Variants in PTPRD observed in about 807,000 individuals in gnomAD.
PTPRD encodes protein tyrosine phosphatase receptor type D, also known as receptor-type tyrosine-protein phosphatase delta.
PTPRD carries 34 observed loss-of-function variants against 214.5 expected under a neutral mutation model. That is an observed-to-expected ratio of 0.16 (90% CI 0.12 to 0.21). The LOEUF (loss-of-function observed/expected upper bound fraction) is 0.21, where lower values mean the gene tolerates loss of function less well. Ranked by LOEUF, PTPRD falls within the 10% of genes least tolerant of loss-of-function variation. The pLI, the probability that PTPRD is intolerant of heterozygous loss-of-function variation, is 1.00. For missense variants in PTPRD, 2,545 were observed against 2,398.7 expected, an observed-to-expected ratio of 1.06 and a Z score of -1.27; for synonymous variants, 1,128 against 845.7, an observed-to-expected ratio of 1.33 and a Z score of -5.79.
chr9:10,199,469 G>A lies in PTPRD; in HGVS notation c.-545+141494C>T, dbSNP rs937441973. ...CTTTATTCTGTCGTGAAAACTTTAG[G>A]CATCAGGCACTCTTGCTTTATCTTC... On this transcript the variant is annotated intron_variant, in intron 3 of 45. Coordinates refer to ENST00000381196, the MANE Select transcript of PTPRD (RefSeq NM_002839.4). Among the ~76,000 whole-genome samples the A allele has an allele frequency of 5.3e-5, 8 of 151,866 alleles. No homozygotes were observed. The East Asian group carries it at 1.5e-3, about 29-fold the overall frequency.
chr9:10,309,257 A>G (rs1315074684), intron 3 of PTPRD, among the ~76,000 whole-genome samples: 1 of 151,824 alleles, frequency 6.6e-6, no homozygotes, highest in East Asian at 1.9e-4. Context: ...TCCTTTTCTT[A>G]TTTTCTTCTT....
intron 11 of PTPRD, among the ~76,000 whole-genome samples, chr9:8,865,434 A>T (rs958375218): frequency 4.6e-5 from 7 of 152,178 alleles, no homozygotes; most frequent in African/African-American, 1.7e-4. Context: ...GAAGGGAAGG[A>T]TAGAAATAGG....
At chr9:10,445,441 G>A (rs2098792019) in intron 2 of PTPRD, among the ~76,000 whole-genome samples, 1 of 152,058 alleles carries the variant, frequency 6.6e-6, no homozygotes, top group African/African-American at 2.4e-5. Context: ...CTACACTACT[G>A]CTATGGCAAC....
At chr9:8,872,130 C>G (rs940604764) in intron 11 of PTPRD, among the ~76,000 whole-genome samples, 4 of 152,186 alleles carry the variant, frequency 2.6e-5, no homozygotes, top group Admixed American at 2.6e-4. Context: ...GTGGTACCAC[C>G]TGTGCTTATG....
chr9:8,747,044 C>T (rs1039283978), intron 11 of PTPRD, among the ~76,000 whole-genome samples: 9 of 152,092 alleles, frequency 5.9e-5, no homozygotes, highest in African/African-American at 2.2e-4. Flanking sequence ...CAGGATCAAG[C>T]CCCAAATTAA....
At chr9:9,438,911 C>T (rs576135038) in intron 8 of PTPRD, among the ~76,000 whole-genome samples, 23 of 152,122 alleles carry the variant, frequency 1.5e-4, no homozygotes, top group South Asian at 6.2e-4. Flanking sequence ...AAAATGGGAA[C>T]GCTCTAGGAC....
At chr9:10,297,075 C>T (rs2095697827) in intron 3 of PTPRD, among the ~76,000 whole-genome samples, 2 of 148,148 alleles carry the variant, frequency 1.3e-5, no homozygotes, top group South Asian at 4.2e-4. Context: ...ACATAGAGCA[C>T]AAATGGAGAA....
chr9:8,880,963 C>T lies in PTPRD; in HGVS notation c.-104+137734G>A, dbSNP rs913971938. Among the ~76,000 whole-genome samples the T allele has an allele frequency of 1.1e-4, 16 of 152,112 alleles. 1 individual carries two copies. The South Asian group carries it at 2.1e-3, about 20-fold the overall frequency. Reference sequence around the variant, plus strand: ...TATATTTTTTGTAGAGACAGGGTTTCGCCATGTTCCTCAAGCTGGTGTCGA... The same window carrying T: ...TATATTTTTTGTAGAGACAGGGTTTTGCCATGTTCCTCAAGCTGGTGTCGA... On this transcript the variant is annotated intron_variant, in intron 11 of 45. Transcript: ENST00000381196.
chr9:10,126,819 G>A (rs1256466104), intron 3 of PTPRD, among the ~76,000 whole-genome samples: 1 of 152,144 alleles, frequency 6.6e-6, no homozygotes, highest in East Asian at 1.9e-4. Flanking sequence ...GTTCAAGCTT[G>A]ACGAAACTGT....
intron 2 of PTPRD, among the ~76,000 whole-genome samples, chr9:10,415,260 T>A (rs747324570): frequency 6.6e-6 from 1 of 151,774 alleles, no homozygotes; most frequent in Non-Finnish European, 1.5e-5. Context: ...AACTCTAAAG[T>A]ACTTTATATA....
chr9:9,228,292 C>A (rs781380842), intron 9 of PTPRD, among the ~76,000 whole-genome samples: 1 of 152,026 alleles, frequency 6.6e-6, no homozygotes, highest in African/African-American at 2.4e-5. Flanking sequence ...AAATGTGTTA[C>A]TGTAGAAACT....
rs186767070 is a variant in PTPRD at position 8,947,296 on chromosome 9, T to C, written c.-104+71401A>G. On this transcript the variant is annotated intron_variant, in intron 11 of 45. Transcript: ENST00000381196. ...GGCTAACATGGTGAAAACCTGTCTC[T>C]ACTAAAAATACAAAAAGTTAGCTGG... is the stretch of plus-strand genomic sequence containing the variant. Among the ~76,000 whole-genome samples the C allele has an allele frequency of 4.0e-3, 599 of 151,546 alleles. 1 individual carries two copies. Among genetic ancestry groups the C allele is most frequent in the African/African-American group, 0.014 (580 of 41,390 alleles).
intron 3 of PTPRD, among the ~76,000 whole-genome samples, chr9:10,237,256 T>TA (rs1301435783): frequency 7.2e-5 from 11 of 151,790 alleles, no homozygotes; most frequent in African/African-American, 2.7e-4. Flanking sequence ...AAGAAAAAAA[T>TA]AGTCTCAAAA....
At chr9:8,778,633 G>A (rs2095575548) in intron 11 of PTPRD, among the ~76,000 whole-genome samples, 1 of 152,158 alleles carries the variant, frequency 6.6e-6, no homozygotes, top group Non-Finnish European at 1.5e-5. Flanking sequence ...TACTGCCTAA[G>A]AGATGTGGAT....
intron 21 of PTPRD, among the ~76,000 whole-genome samples, chr9:8,516,580 T>C (rs2097784377): frequency 6.6e-6 from 1 of 152,130 alleles, no homozygotes; most frequent in Non-Finnish European, 1.5e-5. Context: ...ATAGGTACAT[T>C]ATCTAGTACT....
At chr9:8,403,688 A>T (rs1478633785) in intron 36 of PTPRD, among the ~76,000 whole-genome samples, 1 of 152,218 alleles carries the variant, frequency 6.6e-6, no homozygotes, top group Non-Finnish European at 1.5e-5. Flanking sequence ...CCTCTGGAAC[A>T]CACTCCTTAC....
chr9:9,666,625 T>C (rs1177988770), intron 7 of PTPRD, among the ~76,000 whole-genome samples: 4 of 152,136 alleles, frequency 2.6e-5, no homozygotes, highest in African/African-American at 9.6e-5. Flanking sequence ...GCAAATTGTA[T>C]CGATTCAATC....
intron 12 of PTPRD, among the ~76,000 whole-genome samples, chr9:8,666,533 T>C (rs541779988): frequency 6.6e-6 from 1 of 152,298 alleles, no homozygotes; most frequent in East Asian, 1.9e-4. Context: ...ATTCTAGCAA[T>C]AAAATTGAAG....
At position 9,605,557 on chromosome 9, in the gene PTPRD, T is replaced by C. The variant is rs369034035; in HGVS notation, c.-286-30776A>G. 1.9e-4 allele frequency among the ~76,000 whole-genome samples: 29 copies of C among 152,212 alleles called. No individual in the cohort carries two copies. The East Asian group carries it at 4.2e-3, about 22-fold the overall frequency. ...CTAGACTATATGGTTTGCTAATGAT[T>C]TAGACTTTAACTTGTAGGCAATGAG... On this transcript the variant is annotated intron_variant, in intron 7 of 45. Coordinates refer to ENST00000381196, the MANE Select transcript of PTPRD (RefSeq NM_002839.4).
Sources: gnomAD v4.1 joint callset for allele counts (sites outside exome capture counted in the v4.1 genomes callset) on GRCh38, gnomAD v4.1.1 for gene constraint, MANE v1.5 for transcripts, NCBI Gene and HGNC (gene_info 2026-07-23, HGNC 2026-07-21) for gene names.